ITPR1: variants seen among roughly 807,000 people sequenced by gnomAD.
ITPR1 encodes the protein inositol 1,4,5-trisphosphate-gated calcium channel ITPR1.
ITPR1 carries 96 observed loss-of-function variants against 318.4 expected under a neutral mutation model. The ratio of observed to expected loss-of-function variants is 0.30; its 90% CI spans 0.26 to 0.36. The LOEUF is 0.36. Ranked by LOEUF, ITPR1 falls within the 10% of genes least tolerant of loss-of-function variation. The pLI is 1.00. For missense variants in ITPR1, 2,440 were observed against 3,460.2 expected (o/e 0.71, Z 7.40); for synonymous variants, 1,312 against 1,289.9 (o/e 1.02, Z -0.37).
chr3:4,668,957 C>T (rs2094012794), intron 18 of ITPR1, among the ~76,000 whole-genome samples: 1 of 152,228 alleles, frequency 6.6e-6, no homozygotes, highest in Non-Finnish European at 1.5e-5. Context: ...TTCCCCTTCT[C>T]TTGTCCTTCT....
intron 12 of ITPR1, among the ~76,000 whole-genome samples, chr3:4,656,827 A>G (rs1462655260): frequency 6.6e-6 from 1 of 152,214 alleles, no homozygotes; most frequent in Non-Finnish European, 1.5e-5. Context: ...TGCTTCCTCA[A>G]TAGATGCAGG....
chr3:4,573,693 G>A (rs759413443), intron 4 of ITPR1, among the ~76,000 whole-genome samples: 3 of 152,140 alleles, frequency 2.0e-5, no homozygotes, highest in Non-Finnish European at 4.4e-5. Context: ...CTTTGTCCTC[G>A]ATGTTTCCTC....
Position 4,642,085 on chromosome 3 carries a change from GT to G in ITPR1, c.367-3del. 3 of 1,576,774 alleles carry G rather than the reference GT, an allele frequency of 1.9e-6. No individual in the cohort carries two copies. Among genetic ancestry groups the G allele is most frequent in the South Asian group, 1.2e-5 (1 of 84,958 alleles). ...GACACTCACTTTATTCTCTTGGTGGGTTTTTAGCTCCTGCATTTGAAAAGTA... is the reference window on the plus strand; with the variant it reads ...GACACTCACTTTATTCTCTTGGTGGGTTTTAGCTCCTGCATTTGAAAAGTA... On this transcript the variant is annotated splice_polypyrimidine_tract_variant and splice_region_variant and intron_variant, in intron 6 of 61. Transcript: ENST00000649015.
intron 4 of ITPR1, among the ~76,000 whole-genome samples, chr3:4,614,308 G>T (rs565277711): frequency 3.3e-5 from 5 of 152,184 alleles, no homozygotes; most frequent in Admixed American, 6.5e-5. Flanking sequence ...CATCCATGTT[G>T]TAACAGTAGC....
chr3:4,666,640 C>G (rs2093953111), intron 17 of ITPR1, among the ~76,000 whole-genome samples: 1 of 152,118 alleles, frequency 6.6e-6, no homozygotes, highest in East Asian at 1.9e-4. Flanking sequence ...AAATAGTTAA[C>G]CGGGATTTAG....
In ITPR1 at chr3:4,826,906, G is replaced by A. The variant is rs566823433; in HGVS notation, c.8028+8664G>A. ...GAGCTTGTGTGCTAAGGGAGAGCAT[G>A]GGGCGTGAGTCAGGTATACCCAGGA... is the stretch of plus-strand genomic sequence containing the variant. On this transcript the variant is annotated intron_variant, in intron 60 of 61. Transcript: ENST00000649015. This position sits in a 1 kb window ranked among gnomAD's most constrained non-coding sequence, Gnocchi z 4.2. Among the ~76,000 whole-genome samples, 2 of 152,274 alleles carry A rather than the reference G, an allele frequency of 1.3e-5. No homozygotes were observed. The highest frequency in any genetic ancestry group is 4.8e-5 in the African/African-American group (2 of 41,560).
At chr3:4,568,070 G>A (rs568966501) in intron 4 of ITPR1, among the ~76,000 whole-genome samples, 24 of 152,324 alleles carry the variant, frequency 1.6e-4, no homozygotes, top group African/African-American at 5.5e-4. Flanking sequence ...GGGGATGGGA[G>A]AGCCTGAAGG....
At chr3:4,701,207 G>A (rs1194398169) in intron 35 of ITPR1, among the ~76,000 whole-genome samples, 1 of 152,202 alleles carries the variant, frequency 6.6e-6, no homozygotes, top group African/African-American at 2.4e-5. Flanking sequence ...ATCTAGTCAA[G>A]AGACACTGCT....
intron 4 of ITPR1, among the ~76,000 whole-genome samples, chr3:4,526,717 A>G (rs1274083543): frequency 6.6e-6 from 1 of 152,238 alleles, no homozygotes; most frequent in African/African-American, 2.4e-5. Context: ...TGGAAGCTCT[A>G]AGAAGTTGGG....
intron 60 of ITPR1, among the ~76,000 whole-genome samples, chr3:4,829,338 T>G (rs376537422): frequency 6.6e-6 from 1 of 152,182 alleles, no homozygotes; most frequent in Non-Finnish European, 1.5e-5. Context: ...ACAGGGATAT[T>G]AATATGCATG....
intron 60 of ITPR1, among the ~76,000 whole-genome samples, chr3:4,824,233 A>G (rs1310836172): frequency 1.3e-5 from 2 of 152,214 alleles, no homozygotes; most frequent in African/African-American, 2.4e-5. Flanking sequence ...CGGGAAGGGC[A>G]GATTGGATAG....
intron 60 of ITPR1, among the ~76,000 whole-genome samples, chr3:4,829,969 TTTTTTTTTTTG>T (rs1197436934): frequency 4.6e-4 from 49 of 106,896 alleles, no homozygotes; most frequent in Non-Finnish European, 9.5e-4. Flanking sequence ...TTTTTTTTTT[TTTTTTTTTTTG>T]TGTGTGTGTG....
At position 4,784,726 on chromosome 3, in the gene ITPR1, CAAAAAAAA is replaced by C. The variant is rs34856837; in HGVS notation, c.6615+820_6615+827del. Reference sequence around the variant, plus strand: ...TGAAACCCCTTCTCCACTAAAAATACAAAAAAAAAAAAAAAAAAAAATTAGCCAGGCGT... The same window carrying C: ...TGAAACCCCTTCTCCACTAAAAATACAAAAAAAAAAAAATTAGCCAGGCGT... On this transcript the variant is annotated intron_variant, in intron 51 of 61. Transcript: ENST00000649015. Among the ~76,000 whole-genome samples, 30 of 109,482 alleles carry C rather than the reference CAAAAAAAA, an allele frequency of 2.7e-4. No individual in the cohort carries two copies. The South Asian group carries it at 4.1e-3, about 15-fold the overall frequency. The allele number at this position is 109,482 out of a possible 152,430, so 71.8% of individuals were successfully genotyped here. A position where few individuals can be genotyped will look rare whatever the true frequency, so the allele number is the denominator to read the frequency against.
intron 2 of ITPR1, among the ~76,000 whole-genome samples, chr3:4,494,805 G>A (rs1216753234): frequency 6.6e-6 from 1 of 152,216 alleles, no homozygotes; most frequent in Non-Finnish European, 1.5e-5. Context: ...TGAAAAGCAT[G>A]CTGATGATTT....
intron 4 of ITPR1, among the ~76,000 whole-genome samples, chr3:4,536,863 G>C (rs896123141): frequency 6.6e-6 from 1 of 152,182 alleles, no homozygotes; most frequent in Admixed American, 6.5e-5. Flanking sequence ...CATTGAAGAG[G>C]TTAGATGTGT....
At chr3:4,586,825 G>C (rs894570172) in intron 4 of ITPR1, among the ~76,000 whole-genome samples, 1 of 151,372 alleles carries the variant, frequency 6.6e-6, no homozygotes, top group African/African-American at 2.4e-5. Context: ...ACTGTTTCTT[G>C]CATGAGGCCA....
At chr3:4,802,129 C>T (rs1383777052) in intron 54 of ITPR1, among the ~76,000 whole-genome samples, 1 of 152,194 alleles carries the variant, frequency 6.6e-6, no homozygotes, top group Non-Finnish European at 1.5e-5. Flanking sequence ...CTGAGGTAAA[C>T]ACAATGAAAG....
chr3:4,748,807 C>T (rs1033595681), intron 44 of ITPR1, among the ~76,000 whole-genome samples: 5 of 152,274 alleles, frequency 3.3e-5, no homozygotes, highest in Non-Finnish European at 5.9e-5. Flanking sequence ...AGCTGCAGAG[C>T]GGAGGTTGTA....
At chr3:4,664,513 G>C (rs1575985442) in intron 16 of ITPR1, among the ~76,000 whole-genome samples, 1 of 152,218 alleles carries the variant, frequency 6.6e-6, no homozygotes, top group African/African-American at 2.4e-5. Flanking sequence ...ATGATAGACA[G>C]AATTTATTAA....
Sources: allele counts gnomAD v4.1 joint callset (sites outside exome capture counted in the v4.1 genomes callset), GRCh38; gene constraint gnomAD v4.1.1; non-coding constraint Gnocchi (gnomAD v3.1); transcripts MANE v1.5; gene names NCBI Gene and HGNC (gene_info 2026-07-23, HGNC 2026-07-21).